Variants in FDFT1 observed in about 807,000 individuals in gnomAD.
The protein encoded by FDFT1 is farnesyl-diphosphate farnesyltransferase 1.
Under a neutral mutation model 46.8 loss-of-function variants are expected in FDFT1, and 68 were observed. The observed-to-expected ratio is 1.45, with a 90% CI of 1.19 to 1.78. The LOEUF is 1.78. FDFT1 is among the 40% of genes most tolerant of loss of function. FDFT1 has a pLI of 0.00. For missense variants in FDFT1, 928 were observed against 524.4 expected (o/e 1.77, Z -7.52); for synonymous variants, 351 against 185.1 (o/e 1.90, Z -7.28).
chr8:11,818,135 G>C (rs1037975907), intron 3 of FDFT1, among the ~76,000 whole-genome samples: 1 of 152,180 alleles, frequency 6.6e-6, no homozygotes, highest in African/African-American at 2.4e-5. Flanking sequence ...AGTCATTCAG[G>C]AGCAGGTTGT....
intron 1 of FDFT1, among the ~76,000 whole-genome samples, chr8:11,805,939 C>T (rs765848621): frequency 1.3e-4 from 20 of 152,180 alleles, no homozygotes; most frequent in Non-Finnish European, 2.4e-4. Context: ...CCGCATTGTG[C>T]TTGGCATGGA....
At chr8:11,828,875 G>GT in intron 5 of FDFT1, among the ~76,000 whole-genome samples, 1 of 152,288 alleles carries the variant, frequency 6.6e-6, no homozygotes, top group South Asian at 2.1e-4. Flanking sequence ...TTATTCCACT[G>GT]TGTGGATAGA....
At position 11,822,447 on chromosome 8, in the gene FDFT1, T is replaced by C. The variant is rs964625564; in HGVS notation, c.510+569T>C. ...TTCAAACCTCAAAACTTGACAGCAG[T>C]TATCTTTGGAACTGCTGATTTGTGC... On this transcript the variant is annotated intron_variant, in intron 4 of 7. Coordinates refer to ENST00000220584, the MANE Select transcript of FDFT1 (RefSeq NM_004462.5). 3.9e-5 allele frequency among the ~76,000 whole-genome samples: 6 copies of C among 152,294 alleles called. No individual in the cohort carries two copies. The South Asian group carries it at 1.0e-3, about 26-fold the overall frequency.
upstream of FDFT1, chr8:11,801,974 C>G (rs778615591): frequency 2.2e-6 from 1 of 455,690 alleles, no homozygotes; most frequent in Admixed American, 2.4e-5. Context: ...CAGGCGTGAG[C>G]CACCACGCCT....
intron 1 of FDFT1, among the ~76,000 whole-genome samples, chr8:11,804,951 C>G (rs568269685): frequency 5.5e-5 from 8 of 144,428 alleles, no homozygotes; most frequent in Non-Finnish European, 1.2e-4. Context: ...CTCCATCGTC[C>G]AGGCTAGAAT....
At chr8:11,835,738 A>T (rs1309280746) in intron 7 of FDFT1, among the ~76,000 whole-genome samples, 1 of 152,176 alleles carries the variant, frequency 6.6e-6, no homozygotes, top group Non-Finnish European at 1.5e-5. Context: ...CCACAGAATT[A>T]ACCCAGGAAT....
intron 3 of FDFT1, among the ~76,000 whole-genome samples, chr8:11,819,063 C>G (rs891337589): frequency 2.0e-5 from 3 of 152,306 alleles, no homozygotes; most frequent in East Asian, 3.9e-4. Flanking sequence ...GACAAAATCT[C>G]TGAGCATTTG....
rs73207286 is a variant in FDFT1 at position 11,824,606 on chromosome 8, T to C, written c.511-1418T>C. 2.3e-3 allele frequency among the ~76,000 whole-genome samples: 346 copies of C among 151,420 alleles called. 1 individual carries two copies. Among genetic ancestry groups the C allele is most frequent in the Admixed American group, 3.7e-3 (57 of 15,202 alleles). ...CTGTGCCTGGCTAATTTTTTTTTTTTCTCACATGGGCAATGTTGGGCAAGT... is the reference window on the plus strand; with the variant it reads ...CTGTGCCTGGCTAATTTTTTTTTTTCCTCACATGGGCAATGTTGGGCAAGT... On this transcript the variant is annotated intron_variant, in intron 4 of 7. Coordinates refer to ENST00000220584, the MANE Select transcript of FDFT1 (RefSeq NM_004462.5).
chr8:11,795,687 C>T (rs998335171), exon 1 of FDFT1: 1 of 152,092 alleles, frequency 6.6e-6, no homozygotes, highest in African/African-American at 2.4e-5. Flanking sequence ...AGCTGTAACA[C>T]TCACAGGGTA....
chr8:11,808,646 C>T (rs1266485018), intron 1 of FDFT1, 148 bp from the exon 2 acceptor site: 34 of 1,402,788 alleles, frequency 2.4e-5, no homozygotes, highest in Admixed American at 3.1e-5. Flanking sequence ...TGCCTCCTGC[C>T]GCCTGGCCCT....
chr8:11,802,322 G>T (rs781034521), upstream of FDFT1: 51 of 405,044 alleles, frequency 1.3e-4, no homozygotes, highest in Non-Finnish European at 1.9e-4. Context: ...GGACACGTGG[G>T]CGACTTATTG....
At chr8:11,803,172 TC>T in intron 1 of FDFT1, 1 of 1,419,394 alleles carries the variant, frequency 7.0e-7, no homozygotes, top group Middle Eastern at 2.0e-4. Flanking sequence ...TTTGCGTGGT[TC>T]CCGGTGGTTG....
chr8:11,798,881 A>G (rs910743392), upstream of FDFT1, among the ~76,000 whole-genome samples: 7 of 152,242 alleles, frequency 4.6e-5, no homozygotes, highest in African/African-American at 1.7e-4. Context: ...TTATCAATTT[A>G]GAAAGGGAGA....
intron 3 of FDFT1, among the ~76,000 whole-genome samples, chr8:11,811,752 A>C (rs1057398495): frequency 7.9e-5 from 12 of 152,380 alleles, no homozygotes; most frequent in African/African-American, 2.9e-4. Context: ...GGCGTAAGCC[A>C]GGCACGGCTG....
intron 3 of FDFT1, among the ~76,000 whole-genome samples, chr8:11,812,228 A>G (rs1371805041): frequency 6.6e-6 from 1 of 152,202 alleles, no homozygotes; most frequent in Non-Finnish European, 1.5e-5. Flanking sequence ...CGTTCTGGAC[A>G]TCTGGAGTTC....
intron 3 of FDFT1, among the ~76,000 whole-genome samples, chr8:11,817,494 C>G (rs1489800698): frequency 6.6e-6 from 1 of 152,186 alleles, no homozygotes; most frequent in East Asian, 1.9e-4. Flanking sequence ...CTGTCTGTTC[C>G]TGGACTTTCT....
chr8:11,809,907 G>C, intron 3 of FDFT1, 57 bp downstream of exon 3: 3 of 1,341,272 alleles, frequency 2.2e-6, no homozygotes, highest in South Asian at 2.6e-5. Flanking sequence ...TGCTAACGTG[G>C]TTGTCCGGTA....
intron 7 of FDFT1, among the ~76,000 whole-genome samples, chr8:11,834,489 C>A (rs77962479): frequency 3.6e-4 from 55 of 152,284 alleles, no homozygotes; most frequent in Non-Finnish European, 5.9e-5. Context: ...GAGAATCATC[C>A]GGCTCTTTGA....
chr8:11,802,143 T>C (rs576806520), upstream of FDFT1: 49 of 453,230 alleles, frequency 1.1e-4, no homozygotes, highest in African/African-American at 9.2e-4. Flanking sequence ...TCCAGGAGTG[T>C]GTGGGGCTCC....
Sources: allele counts gnomAD v4.1 joint callset (sites outside exome capture counted in the v4.1 genomes callset), GRCh38; gene constraint gnomAD v4.1.1; transcripts MANE v1.5; gene names NCBI Gene and HGNC (gene_info 2026-07-23, HGNC 2026-07-21).